Variants in UTP4 observed in about 807,000 individuals in gnomAD.
The protein encoded by UTP4 is U3 small nucleolar RNA-associated protein 4 homolog.
Under a neutral mutation model 82.4 loss-of-function variants are expected in UTP4, and 45 were observed. That is an observed-to-expected ratio of 0.55 (90% CI 0.43 to 0.70). UTP4 has a LOEUF of 0.70. UTP4 is among the 30% of genes least tolerant of loss of function. The pLI, the probability that UTP4 is intolerant of heterozygous loss-of-function variation, is 0.00. For synonymous variants in UTP4, 348 were observed against 300.3 expected (o/e 1.16, Z -1.64); for missense variants, 819 against 858.3 (o/e 0.95, Z 0.57).
Position 69,150,566 on chromosome 16 carries a change from C to A in UTP4, c.768C>A (p.Ala256=), listed in dbSNP as rs755447937. ...AAGACAGTTTCGTGGTGGGCACAGC[C>A]GAGGGAACAGTCTTCCATTTTCAGC... ...DQEDSFVVGT[A]EGTVFHFQLV... Residue 256 remains alanine (A), a synonymous_variant, in exon 7 of 17, where the codon GCC becomes GCA. Transcript: ENST00000314423. The A allele has an allele frequency of 6.2e-7, 1 of 1,614,206 alleles. No individual in the cohort carries two copies. The highest frequency in any genetic ancestry group is 1.3e-5 in the African/African-American group (1 of 75,060).
Position 69,163,186 on chromosome 16 carries a change from A to G in UTP4, c.1647+8A>G. The G allele has an allele frequency of 3.1e-6, 5 of 1,603,396 alleles. No individual in the cohort carries two copies. The highest frequency in any genetic ancestry group is 2.7e-5 in the African/African-American group (2 of 74,814). On this transcript the variant is annotated splice_region_variant and intron_variant, in intron 14 of 16. Coordinates refer to ENST00000314423, the MANE Select transcript of UTP4 (RefSeq NM_032830.3). Reference sequence around the variant, plus strand: ...GCTCATTCGGACCAGCAGGTAAGGGAGATTCCAGTGCTTTCTATTCCCTTC... The same window carrying G: ...GCTCATTCGGACCAGCAGGTAAGGGGGATTCCAGTGCTTTCTATTCCCTTC...
chr16:69,144,753 T>G (rs190121141), intron 6 of UTP4, among the ~76,000 whole-genome samples: 13 of 152,244 alleles, frequency 8.5e-5, no homozygotes, highest in Non-Finnish European at 1.6e-4. Flanking sequence ...ATGTCACACG[T>G]AAGTGATAAT....
At position 69,164,876 on chromosome 16, in the gene UTP4, G is replaced by A. The variant is rs142240236; in HGVS notation, c.1648-465G>A. Among the ~76,000 whole-genome samples the A allele has an allele frequency of 7.4e-3, 1,126 of 152,040 alleles. 13 individuals carry two copies. The highest frequency in any genetic ancestry group is 0.024 in the African/African-American group (1,004 of 41,492). Reference sequence around the variant, plus strand: ...GAGCAACAAAAGCAAGATACAGAACGCTATGTATTATGTGCATAAAATAGC... The same window carrying A: ...GAGCAACAAAAGCAAGATACAGAACACTATGTATTATGTGCATAAAATAGC... On this transcript the variant is annotated intron_variant, in intron 14 of 16. Transcript: ENST00000314423.
At position 69,143,190 on chromosome 16, in the gene UTP4, A is replaced by C. The variant is rs199630220; in HGVS notation, c.539A>C (p.His180Pro). Residue 180 changes from histidine to proline, a missense_variant, in exon 6 of 17, where the codon CAT becomes CCT. Physicochemically the swap from His to Pro is moderately conservative, Grantham distance 77. Coordinates refer to ENST00000314423, the MANE Select transcript of UTP4 (RefSeq NM_032830.3). ...VFDVKSGSAV[H>P]KMIVDRQYMG... The stretch of plus-strand genomic sequence containing the variant: ...TCTGATTTTTCAGGCAGCGCTGTTC[A>C]TAAGATGATTGTGGACAGGCAGTAT... 11 of 1,614,250 alleles carry C rather than the reference A, an allele frequency of 6.8e-6. No individual in the cohort carries two copies. Among genetic ancestry groups the C allele is most frequent in the Non-Finnish European group, 9.3e-6 (11 of 1,180,038 alleles).
At chr16:69,143,420 T>C (rs1257197667) in intron 6 of UTP4, 31 bp downstream of exon 6, 3 of 1,589,748 alleles carry the variant, frequency 1.9e-6, no homozygotes, top group Admixed American at 3.3e-5. Flanking sequence ...GAGTGGTTGA[T>C]GTACACCCTT....
intron 2 of UTP4, 29 bp from the exon 3 acceptor site, chr16:69,136,667 A>G (rs752653804): frequency 2.5e-6 from 4 of 1,612,134 alleles, no homozygotes; most frequent in Non-Finnish European, 3.4e-6. Flanking sequence ...AATTTGTGGT[A>G]ATGTTGAGAA....
chr16:69,155,915 T>C lies in UTP4; in HGVS notation c.1209T>C (p.Ser403=), dbSNP rs1963397579. 6.2e-7 allele frequency: 1 copy of C among 1,613,892 alleles called. No individual in the cohort carries two copies. The highest frequency in any genetic ancestry group is 8.5e-7 in the Non-Finnish European group (1 of 1,179,798). The change falls in exon 11 of 17, where the codon AGT becomes AGC. Residue 403 remains serine (S), a synonymous_variant. Coordinates refer to ENST00000314423, the MANE Select transcript of UTP4 (RefSeq NM_032830.3). The stretch of plus-strand genomic sequence containing the variant: ...GTAGCTGTATCTCCCCATGTGGAAG[T>C]TGGATAGCCTATTCTACAGTTTCTC... ...IICSCISPCG[S]WIAYSTVSRF... is the part of the protein sequence containing the mutation.
rs974759172 is a variant in UTP4 at position 69,156,121 on chromosome 16, G to T, written c.1287+128G>T. ...AAAACTATTTGGAGATTTGGAGAAGGCTGTTATGAAACAGTGTTTTATTTC... is the reference window on the plus strand; with the variant it reads ...AAAACTATTTGGAGATTTGGAGAAGTCTGTTATGAAACAGTGTTTTATTTC... On this transcript the variant is annotated intron_variant, in intron 11 of 16. Transcript: ENST00000314423. 11 of 939,430 alleles carry T rather than the reference G, an allele frequency of 1.2e-5. No homozygotes were observed. In the East Asian group the frequency reaches 2.2e-4, roughly 19 times the overall value. The allele number at this position is 939,430 out of a possible 1,614,324, so 58.2% of individuals were successfully genotyped here.
intron 12 of UTP4, 113 bp downstream of exon 12, chr16:69,157,353 C>T: frequency 1.0e-6 from 1 of 999,304 alleles, no homozygotes; most frequent in Non-Finnish European, 1.5e-6. Context: ...CCTGCAGATA[C>T]ACTCACTCAC....
intron 2 of UTP4, among the ~76,000 whole-genome samples, chr16:69,135,930 A>G (rs1962800249): frequency 6.6e-6 from 1 of 152,084 alleles, no homozygotes; most frequent in African/African-American, 2.4e-5. Flanking sequence ...TCAGGATGCT[A>G]AGGCAGGGGA....
intron 5 of UTP4, among the ~76,000 whole-genome samples, chr16:69,141,823 T>C (rs1962967134): frequency 6.6e-6 from 1 of 151,364 alleles, no homozygotes. Flanking sequence ...CTTCTCTTTC[T>C]TTTTTTATTT....
At chr16:69,138,408 T>C (rs1353544759) in intron 4 of UTP4, among the ~76,000 whole-genome samples, 1 of 152,092 alleles carries the variant, frequency 6.6e-6, no homozygotes, top group Non-Finnish European at 1.5e-5. Context: ...CTGCTAATTT[T>C]CGTATTTTTA....
chr16:69,142,911 C>G (rs892295481), intron 5 of UTP4, among the ~76,000 whole-genome samples: 1 of 152,220 alleles, frequency 6.6e-6, no homozygotes, highest in Admixed American at 6.5e-5. Flanking sequence ...CCCAACACCC[C>G]TTCTCTTCAG....
At position 69,150,670 on chromosome 16, in the gene UTP4, G is replaced by C. The variant is rs760350216; in HGVS notation, c.872G>C (p.Arg291Pro). The C allele has an allele frequency of 3.5e-5, 56 of 1,614,212 alleles. No homozygotes were observed. In the Middle Eastern group the frequency reaches 6.6e-4, roughly 19 times the overall value. ...KPFQHHTHDV[R>P]TVAHSPTALI... Reference sequence around the variant, plus strand: ...TTCCAGCATCACACTCATGACGTGCGCACTGTGGCCCACAGCCCAACAGCG... The same window carrying C: ...TTCCAGCATCACACTCATGACGTGCCCACTGTGGCCCACAGCCCAACAGCG... Residue 291 changes from arginine (R) to proline (P), a missense_variant, in exon 7 of 17, where the codon CGC (arginine) becomes CCC (proline). Coordinates refer to ENST00000314423, the MANE Select transcript of UTP4 (RefSeq NM_032830.3).
chr16:69,156,090 C>T, intron 11 of UTP4, 97 bp downstream of exon 11: 1 of 1,217,382 alleles, frequency 8.2e-7, no homozygotes, highest in Non-Finnish European at 1.2e-6. Context: ...AATCCTTGCT[C>T]AGTTAAAAAC....
intron 3 of UTP4, 74 bp from the exon 4 acceptor site, chr16:69,137,727 G>GGT (rs3217261): frequency 9.6e-5 from 77 of 803,916 alleles, no homozygotes; most frequent in Middle Eastern, 5.4e-4. Flanking sequence ...TGTGTTGGGG[G>GGT]GTGTGTGTGT....
intron 14 of UTP4, 107 bp downstream of exon 14, chr16:69,163,285 A>G: frequency 1.1e-6 from 1 of 909,360 alleles, no homozygotes; most frequent in Middle Eastern, 2.8e-4. Flanking sequence ...GTTGGAGGAT[A>G]TAAGGTAGTT....
chr16:69,160,914 C>G (rs1189997504), intron 13 of UTP4, among the ~76,000 whole-genome samples: 1 of 152,036 alleles, frequency 6.6e-6, no homozygotes, highest in Non-Finnish European at 1.5e-5. Flanking sequence ...TTCTTTTTAA[C>G]TAATAATTTT....
chr16:69,141,312 T>C (rs1962952826), intron 5 of UTP4, among the ~76,000 whole-genome samples: 1 of 152,238 alleles, frequency 6.6e-6, no homozygotes, highest in African/African-American at 2.4e-5. Context: ...TTCACTTTCT[T>C]GGTTTACCCT....
Sources: gnomAD v4.1 joint callset for allele counts (sites outside exome capture counted in the v4.1 genomes callset) on GRCh38, gnomAD v4.1.1 for gene constraint, MANE v1.5 for transcripts, NCBI Gene and HGNC (gene_info 2026-07-23, HGNC 2026-07-21) for gene names.